The following RBMS3 variants were observed in gnomAD, a reference collection of about 807,000 sequenced individuals.
The protein encoded by RBMS3 is RNA-binding motif, single-stranded-interacting protein 3.
In RBMS3, 27 loss-of-function variants were observed where a neutral mutation model predicts 66.8. That is an observed-to-expected ratio of 0.40 (90% CI 0.30 to 0.56). The LOEUF is 0.56. Among genes scored for constraint, RBMS3 ranks in the 20% least tolerant of loss-of-function variants. The pLI is 0.40. For synonymous variants in RBMS3, 188 were observed against 183.0 expected (o/e 1.03, Z -0.22); for missense variants, 513 against 549.5 (o/e 0.93, Z 0.66).
rs74442983 is a variant in RBMS3, at chr3:29,488,424, C to T, written c.249-17C>T. 69 of 294,342 alleles carry T rather than the reference C, an allele frequency of 2.3e-4. No individual in the cohort carries two copies. Among genetic ancestry groups the T allele is most frequent in the African/African-American group, 7.6e-4 (9 of 11,808 alleles). The allele number at this position is 294,342 out of a possible 1,614,324, so 18.2% of individuals were successfully genotyped here. A position where few individuals can be genotyped will look rare whatever the true frequency, so the allele number is the denominator to read the frequency against. On this transcript the variant is annotated splice_polypyrimidine_tract_variant and intron_variant, in intron 2 of 14. Transcript: ENST00000383767. ...GGGTTACAATAACATGGGTTTTTTT[C>T]TCTCTCTCTCTTTCAGGTATGGAAA... is the stretch of plus-strand genomic sequence containing the variant.
At chr3:29,476,729 T>A (rs1339396985) in intron 2 of RBMS3, among the ~76,000 whole-genome samples, 1 of 152,218 alleles carries the variant, frequency 6.6e-6, no homozygotes, top group Non-Finnish European at 1.5e-5. Context: ...TCTTTTCTGC[T>A]TTTTCTATGT....
intron 2 of RBMS3, among the ~76,000 whole-genome samples, chr3:29,470,406 A>G (rs1209327912): frequency 6.6e-6 from 1 of 152,082 alleles, no homozygotes; most frequent in Non-Finnish European, 1.5e-5. Flanking sequence ...GAATTCTTTC[A>G]TTGTATCAAC....
At chr3:29,786,640 T>A (rs10222490) in intron 6 of RBMS3, among the ~76,000 whole-genome samples, 2 of 152,130 alleles carry the variant, frequency 1.3e-5, no homozygotes, top group African/African-American at 4.8e-5. Flanking sequence ...GCAAGCCACA[T>A]GTAGAAGAAT....
chr3:29,739,225 G>A (rs931099529), intron 4 of RBMS3, among the ~76,000 whole-genome samples: 1 of 152,104 alleles, frequency 6.6e-6, no homozygotes, highest in African/African-American at 2.4e-5. Context: ...AGGCCGAGGT[G>A]GGCGGATCAC....
intron 1 of RBMS3, among the ~76,000 whole-genome samples, chr3:29,402,193 G>A (rs2039841645): frequency 6.6e-6 from 1 of 152,010 alleles, no homozygotes; most frequent in Admixed American, 6.6e-5. Context: ...AGTAAATGCT[G>A]TGGCCTTCAA....
At chr3:29,313,406 C>T (rs1303718045) in intron 1 of RBMS3, among the ~76,000 whole-genome samples, 2 of 151,750 alleles carry the variant, frequency 1.3e-5, no homozygotes, top group Non-Finnish European at 2.9e-5. Context: ...TGCCAAGAGT[C>T]ACTTGCATGT....
intron 7 of RBMS3, among the ~76,000 whole-genome samples, chr3:29,877,753 C>T (rs765787372): frequency 1.3e-5 from 2 of 152,112 alleles, no homozygotes; most frequent in South Asian, 2.1e-4. Flanking sequence ...AGTTGTTCCC[C>T]GGTAAAATTC....
chr3:29,298,409 A>C (rs2033435394), intron 1 of RBMS3, among the ~76,000 whole-genome samples: 1 of 151,932 alleles, frequency 6.6e-6, no homozygotes, highest in Non-Finnish European at 1.5e-5. Flanking sequence ...TCCCTACCCT[A>C]GATGTCCTTT....
chr3:29,954,573 G>A (rs1447430829), intron 12 of RBMS3, among the ~76,000 whole-genome samples: 1 of 151,960 alleles, frequency 6.6e-6, no homozygotes. Context: ...TAAGCTTAGA[G>A]TAGGACAGGA....
chr3:29,367,260 G>A (rs1178586790), intron 1 of RBMS3, among the ~76,000 whole-genome samples: 7 of 152,054 alleles, frequency 4.6e-5, no homozygotes. Flanking sequence ...CAAATAATAT[G>A]TAAGTATTCA....
intron 2 of RBMS3, among the ~76,000 whole-genome samples, chr3:29,477,181 C>T (rs1050670510): frequency 5.9e-5 from 9 of 152,110 alleles, no homozygotes; most frequent in African/African-American, 2.2e-4. Flanking sequence ...TTTCGTTTGA[C>T]CCTTGAGTGA....
intron 5 of RBMS3, among the ~76,000 whole-genome samples, chr3:29,741,087 C>G (rs2054622243): frequency 6.6e-6 from 1 of 151,266 alleles, no homozygotes; most frequent in African/African-American, 2.4e-5. Flanking sequence ...CTTCCGTTAA[C>G]TCACTTTAGA....
chr3:29,458,626 T>C (rs6774780), intron 2 of RBMS3, among the ~76,000 whole-genome samples: 1 of 152,168 alleles, frequency 6.6e-6, no homozygotes, highest in Non-Finnish European at 1.5e-5. Flanking sequence ...GTATTGTTAT[T>C]TTTTATTGTT....
intron 13 of RBMS3, among the ~76,000 whole-genome samples, chr3:29,988,817 T>C (rs1698617839): frequency 6.6e-6 from 1 of 152,146 alleles, no homozygotes; most frequent in African/African-American, 2.4e-5. Context: ...GACTTTTAGG[T>C]ACTATCCAGA....
intron 12 of RBMS3, among the ~76,000 whole-genome samples, chr3:29,946,841 A>G (rs1439626061): frequency 1.3e-5 from 2 of 151,548 alleles, no homozygotes; most frequent in Admixed American, 1.3e-4. Flanking sequence ...GCTATGGACT[A>G]TGTATTTGTG....
intron 4 of RBMS3, among the ~76,000 whole-genome samples, chr3:29,708,332 T>C (rs1324418517): frequency 6.6e-6 from 1 of 152,204 alleles, no homozygotes; most frequent in Non-Finnish European, 1.5e-5. Flanking sequence ...GTCACTGCCC[T>C]ATATCTTGAA....
At chr3:29,762,237 G>A (rs1441053811) in intron 5 of RBMS3, among the ~76,000 whole-genome samples, 1 of 152,128 alleles carries the variant, frequency 6.6e-6, no homozygotes, top group Non-Finnish European at 1.5e-5. Context: ...CCTAAGGTTT[G>A]TGTATCTATA....
intron 12 of RBMS3, among the ~76,000 whole-genome samples, chr3:29,961,692 A>AAT (rs1696458905): frequency 6.6e-6 from 1 of 151,950 alleles, no homozygotes; most frequent in African/African-American, 2.4e-5. Context: ...CAAAGAAGGA[A>AAT]ATAACCCCTT....
chr3:29,651,442 T>C (rs905028535), intron 4 of RBMS3, among the ~76,000 whole-genome samples: 2 of 152,188 alleles, frequency 1.3e-5, no homozygotes, highest in Non-Finnish European at 2.9e-5. Context: ...AAGAAAACCT[T>C]CCTCTCTCTT....
Sources: allele counts gnomAD v4.1 joint callset (sites outside exome capture counted in the v4.1 genomes callset), GRCh38; gene constraint gnomAD v4.1.1; transcripts MANE v1.5; gene names NCBI Gene and HGNC (gene_info 2026-07-23, HGNC 2026-07-21).